MAGI2: variants seen among roughly 807,000 people sequenced by gnomAD.
MAGI2 encodes the protein membrane associated guanylate kinase, WW and PDZ domain containing 2, also known as membrane-associated guanylate kinase, WW and PDZ domain-containing protein 2.
In MAGI2, 35 loss-of-function variants were observed where a neutral mutation model predicts 133.3. The observed-to-expected ratio is 0.26, with a 90% CI of 0.20 to 0.35. MAGI2 has a LOEUF of 0.35. MAGI2 is among the 10% of genes least tolerant of loss of function. The pLI, the probability that MAGI2 is intolerant of heterozygous loss-of-function variation, is 1.00. For synonymous variants in MAGI2, 729 were observed against 710.6 expected (o/e 1.03, Z -0.41); for missense variants, 1,636 against 1,863.4 (o/e 0.88, Z 2.25).
chr7:78,247,883 G>A (rs138430228), intron 10 of MAGI2, among the ~76,000 whole-genome samples: 31 of 152,240 alleles, frequency 2.0e-4, no homozygotes, highest in African/African-American at 7.2e-4. Context: ...GACAAAGATA[G>A]GGACAGAAAG....
At chr7:78,120,494 G>A (rs1288394582) in intron 20 of MAGI2, among the ~76,000 whole-genome samples, 1 of 152,198 alleles carries the variant, frequency 6.6e-6, no homozygotes, top group Non-Finnish European at 1.5e-5. Flanking sequence ...GAAGAATTAA[G>A]ATGTGTGTCT....
At chr7:78,427,720 C>T (rs6977883) in intron 6 of MAGI2, among the ~76,000 whole-genome samples, 1,789 of 150,328 alleles carry the variant, frequency 0.012, 28 homozygotes, top group African/African-American at 0.041. Context: ...AGGAAGCTTA[C>T]ATTTATTCTA....
intron 9 of MAGI2, among the ~76,000 whole-genome samples, chr7:78,276,857 TGGAAGG>T (rs1005462153): frequency 6.6e-6 from 1 of 151,940 alleles, no homozygotes; most frequent in East Asian, 1.9e-4. Context: ...TAAATTCTAG[TGGAAGG>T]GGGAGGAGAC....
chr7:78,162,418 G>A (rs62461254), intron 15 of MAGI2, among the ~76,000 whole-genome samples: 14,772 of 151,164 alleles, frequency 0.098, 797 homozygotes, highest in East Asian at 0.17. Context: ...CCAGCTACTC[G>A]GGAGGCTGAG....
chr7:79,160,226 A>G (rs1234724558), intron 1 of MAGI2, among the ~76,000 whole-genome samples: 13 of 152,094 alleles, frequency 8.5e-5, no homozygotes, highest in African/African-American at 3.1e-4. Flanking sequence ...AAGGATGTTG[A>G]TTTTTCTTTA....
intron 2 of MAGI2, among the ~76,000 whole-genome samples, chr7:78,936,026 G>A (rs926727213): frequency 1.5e-4 from 23 of 151,918 alleles, no homozygotes; most frequent in African/African-American, 4.1e-4. Context: ...CATGTCTTCC[G>A]TTACAAGTTT....
chr7:78,619,110 C>T (rs1807438546), intron 3 of MAGI2: 1 of 150,796 alleles, frequency 6.6e-6, no homozygotes, highest in South Asian at 2.1e-4. Flanking sequence ...CTAGGTCATT[C>T]CATAGTGCCA....
At chr7:78,564,332 A>T (rs1800715432) in intron 3 of MAGI2, among the ~76,000 whole-genome samples, 1 of 152,174 alleles carries the variant, frequency 6.6e-6, no homozygotes, top group African/African-American at 2.4e-5. Context: ...CTTCACAATT[A>T]ATATATTAAA....
intron 6 of MAGI2, among the ~76,000 whole-genome samples, chr7:78,404,866 A>G (rs1388539085): frequency 6.6e-6 from 1 of 152,158 alleles, no homozygotes; most frequent in Non-Finnish European, 1.5e-5. Context: ...AGAAACTACC[A>G]TCAGAGTGAA....
intron 10 of MAGI2, among the ~76,000 whole-genome samples, chr7:78,247,487 A>G (rs1403538444): frequency 1.3e-5 from 2 of 152,252 alleles, no homozygotes; most frequent in Non-Finnish European, 2.9e-5. Context: ...GGAATTAAAA[A>G]TAATGGGCTT....
chr7:78,508,970 C>T (rs1372785439), intron 4 of MAGI2, among the ~76,000 whole-genome samples: 1 of 150,980 alleles, frequency 6.6e-6, no homozygotes, highest in Non-Finnish European at 1.5e-5. Flanking sequence ...CAACCTCTGA[C>T]TCCCAGGTTC....
chr7:79,227,692 C>T (rs1322521200), intron 1 of MAGI2, among the ~76,000 whole-genome samples: 2 of 152,158 alleles, frequency 1.3e-5, no homozygotes. Flanking sequence ...TGAACTACAA[C>T]TCTCAACTTC....
chr7:78,849,442 CTAAG>C (rs1036714870), intron 2 of MAGI2, among the ~76,000 whole-genome samples: 27 of 152,036 alleles, frequency 1.8e-4, no homozygotes, highest in African/African-American at 6.5e-4. Flanking sequence ...AGCAAATCCA[CTAAG>C]TAATTCCAGC....
chr7:78,130,880 G>C (rs1821493203), intron 18 of MAGI2, among the ~76,000 whole-genome samples: 1 of 152,176 alleles, frequency 6.6e-6, no homozygotes, highest in Non-Finnish European at 1.5e-5. Flanking sequence ...CTGTGATAGG[G>C]AACAAGGTAT....
At chr7:78,830,804 CA>C (rs1791076442) in intron 2 of MAGI2, among the ~76,000 whole-genome samples, 2 of 151,964 alleles carry the variant, frequency 1.3e-5, no homozygotes, top group South Asian at 4.2e-4. Context: ...GATTCCTAAG[CA>C]AAAAGGGGCC....
intron 1 of MAGI2, among the ~76,000 whole-genome samples, chr7:79,220,427 A>T (rs1450138898): frequency 6.6e-6 from 1 of 152,000 alleles, no homozygotes; most frequent in African/African-American, 2.4e-5. Context: ...TCAGCTCTTT[A>T]TTTATCATTA....
intron 20 of MAGI2, among the ~76,000 whole-genome samples, chr7:78,119,074 T>C (rs1820158958): frequency 6.6e-6 from 1 of 152,178 alleles, no homozygotes; most frequent in Admixed American, 6.5e-5. Context: ...CTACATACTG[T>C]ATGATTCCAA....
intron 1 of MAGI2, among the ~76,000 whole-genome samples, chr7:79,123,311 A>G (rs1333053521): frequency 6.6e-6 from 1 of 152,196 alleles, no homozygotes; most frequent in Non-Finnish European, 1.5e-5. Context: ...TTGAAGGGAA[A>G]CAGGGCTAAT....
intron 1 of MAGI2, among the ~76,000 whole-genome samples, chr7:79,080,634 C>A (rs1452508546): frequency 1.3e-5 from 2 of 151,982 alleles, no homozygotes; most frequent in African/African-American, 2.4e-5. Flanking sequence ...ATCTTCAAAG[C>A]TCTTATATTC....
Sources: allele counts gnomAD v4.1 joint callset (sites outside exome capture counted in the v4.1 genomes callset), GRCh38; gene constraint gnomAD v4.1.1; transcripts MANE v1.5; gene names NCBI Gene and HGNC (gene_info 2026-07-23, HGNC 2026-07-21).